Variants in HDDC2 observed in about 807,000 individuals in gnomAD.
HDDC2 encodes HD domain containing 2.
In HDDC2, 25 loss-of-function variants were observed where a neutral mutation model predicts 25.5. The ratio of observed to expected loss-of-function variants is 0.98; its 90% CI spans 0.72 to 1.37. The LOEUF is 1.37. HDDC2 is among the 40% of genes most tolerant of loss of function. The pLI, the probability that HDDC2 is intolerant of heterozygous loss-of-function variation, is 0.00. For missense variants in HDDC2, 264 were observed against 253.1 expected, an observed-to-expected ratio of 1.04 and a Z score of -0.29; for synonymous variants, 106 against 89.7, an observed-to-expected ratio of 1.18 and a Z score of -1.03.
chr6:125,283,352 A>T (rs1301398529), intron 4 of HDDC2, among the ~76,000 whole-genome samples: 1 of 152,236 alleles, frequency 6.6e-6, no homozygotes, highest in Non-Finnish European at 1.5e-5. Context: ...AGAGTATTCA[A>T]ATAGGAAGAG....
chr6:125,289,868 T>TC (rs2115110726), intron 4 of HDDC2, among the ~76,000 whole-genome samples: 1 of 152,348 alleles, frequency 6.6e-6, no homozygotes, highest in African/African-American at 2.4e-5. Flanking sequence ...GCCTTGGGGC[T>TC]CAAAAGGACA....
At chr6:125,287,931 G>C (rs1255160147) in intron 4 of HDDC2, among the ~76,000 whole-genome samples, 1 of 152,204 alleles carries the variant, frequency 6.6e-6, no homozygotes, top group South Asian at 2.1e-4. Context: ...ACACCCACAC[G>C]AAGGCCGAAG....
chr6:125,292,999 C>T (rs1391820707), intron 3 of HDDC2, 90 bp from the exon 4 acceptor site: 1 of 1,007,426 alleles, frequency 9.9e-7, no homozygotes, highest in South Asian at 1.3e-5. Context: ...CGGATTCTTA[C>T]AAACAACTCT....
chr6:125,298,853 T>C, intron 2 of HDDC2, 37 bp from the exon 3 acceptor site: 1 of 1,395,572 alleles, frequency 7.2e-7, no homozygotes, highest in African/African-American at 1.4e-5. Context: ...TTACACAGAA[T>C]TATATTTACT....
At chr6:125,280,039 C>A (rs531873595) in intron 4 of HDDC2, among the ~76,000 whole-genome samples, 1 of 152,270 alleles carries the variant, frequency 6.6e-6, no homozygotes, top group East Asian at 1.9e-4. Context: ...ACTGGGGTAT[C>A]CGGTTCATCT....
chr6:125,293,247 AC>A (rs1407858010), intron 3 of HDDC2: 4 of 374,666 alleles, frequency 1.1e-5, no homozygotes, highest in Non-Finnish European at 2.0e-5. Flanking sequence ...ATCACAACAT[AC>A]CCACATACAT....
chr6:125,280,564 C>A (rs1419699957), intron 4 of HDDC2, among the ~76,000 whole-genome samples: 2 of 152,190 alleles, frequency 1.3e-5, no homozygotes, highest in Admixed American at 6.5e-5. Context: ...GAGGGGCGTC[C>A]GCCATTTCTG....
At chr6:125,297,819 A>C (rs1562449581) in intron 3 of HDDC2, among the ~76,000 whole-genome samples, 1 of 152,164 alleles carries the variant, frequency 6.6e-6, no homozygotes, top group Non-Finnish European at 1.5e-5. Context: ...TTCTGCTTCA[A>C]ACATATCTTC....
chr6:125,275,829 C>G lies in HDDC2; in HGVS notation c.*317G>C, dbSNP rs1451503804. The G allele has an allele frequency of 7.6e-6, 2 of 263,874 alleles. No individual in the cohort carries two copies. Among genetic ancestry groups the G allele is most frequent in the African/African-American group, 2.2e-5 (1 of 45,186 alleles). 16.3% of individuals were successfully genotyped at this position (263,874 alleles called of 1,614,324 possible). ...CAATGAACCTAGCCTTCGGGGATAT[C>G]GGTAATTAAGTCAGAATAAGATGAT... On this transcript the variant is annotated 3_prime_UTR_variant, in exon 6 of 6. Transcript: ENST00000398153.
At chr6:125,294,600 T>A (rs547179214) in intron 3 of HDDC2, among the ~76,000 whole-genome samples, 36 of 152,334 alleles carry the variant, frequency 2.4e-4, no homozygotes, top group African/African-American at 7.9e-4. Context: ...TACTTCCAGT[T>A]GAAAAGAATG....
At chr6:125,276,341 T>C in intron 5 of HDDC2, 98 bp from the exon 6 acceptor site, 3 of 860,528 alleles carry the variant, frequency 3.5e-6, no homozygotes. Context: ...GGGGCTCTAG[T>C]CTACGATCTG....
At chr6:125,300,748 A>G in intron 1 of HDDC2, 89 bp from the exon 2 acceptor site, 1 of 1,295,946 alleles carries the variant, frequency 7.7e-7, no homozygotes, top group South Asian at 1.5e-5. Flanking sequence ...GATATAACAC[A>G]CAGAAGCCGG....
chr6:125,289,306 G>A (rs1394352461), intron 4 of HDDC2, among the ~76,000 whole-genome samples: 1 of 118,268 alleles, frequency 8.5e-6, no homozygotes, highest in African/African-American at 3.6e-5. Context: ...ACAGGAAGGG[G>A]AATATCACAC....
Position 125,277,229 on chromosome 6 carries a change from G to C in HDDC2, c.390C>G (p.Thr130=). The change falls in exon 5 of 6, where the codon ACC becomes ACG. Residue 130 remains threonine, a synonymous_variant. Transcript: ENST00000398153. ...CAAATTTGGCTTCTGCACTAGATTG[G>C]GTCTCGTACTCCTAAGTAAAGGGAC... ...ELYELWEEYE[T]QSSAEAKFVK... is the part of the protein sequence containing the mutation. The C allele has an allele frequency of 6.2e-7, 1 of 1,613,942 alleles. No individual in the cohort carries two copies. The highest frequency in any genetic ancestry group is 8.5e-7 in the Non-Finnish European group (1 of 1,179,942).
At chr6:125,280,808 T>G (rs1798447180) in intron 4 of HDDC2, among the ~76,000 whole-genome samples, 2 of 152,184 alleles carry the variant, frequency 1.3e-5, no homozygotes, top group African/African-American at 4.8e-5. Flanking sequence ...ACTTAAATGT[T>G]CCTGCCTGCC....
In HDDC2 at chr6:125,276,077, G is replaced by T; in HGVS notation, c.*69C>A. The T allele has an allele frequency of 2.6e-6, 3 of 1,174,868 alleles. No individual in the cohort carries two copies. Among genetic ancestry groups the T allele is most frequent in the Non-Finnish European group, 3.8e-6 (3 of 783,612 alleles). 72.8% of individuals were successfully genotyped at this position (1,174,868 alleles called of 1,614,324 possible). A position where few individuals can be genotyped will look rare whatever the true frequency, so the allele number is the denominator to read the frequency against. On this transcript the variant is annotated 3_prime_UTR_variant, in exon 6 of 6. Coordinates refer to ENST00000398153, the MANE Select transcript of HDDC2 (RefSeq NM_016063.3). ...CTAGGGAAATCAACAGACCAACAAT[G>T]GCAAAACACAATACAATGAAATGGA...
chr6:125,299,776 G>C (rs1798767405), intron 2 of HDDC2, among the ~76,000 whole-genome samples: 1 of 152,236 alleles, frequency 6.6e-6, no homozygotes, highest in African/African-American at 2.4e-5. Flanking sequence ...CTTTGCTGCA[G>C]TCAAGTTGAT....
chr6:125,291,081 G>A (rs1457958344), intron 4 of HDDC2, among the ~76,000 whole-genome samples: 1 of 152,154 alleles, frequency 6.6e-6, no homozygotes, highest in Non-Finnish European at 1.5e-5. Flanking sequence ...CCCCTTAGGC[G>A]ACAATACATG....
At chr6:125,287,286 T>C (rs1360856668) in intron 4 of HDDC2, among the ~76,000 whole-genome samples, 1 of 152,122 alleles carries the variant, frequency 6.6e-6, no homozygotes, top group African/African-American at 2.4e-5. Flanking sequence ...TTAAAGACAT[T>C]CTAGTGATGT....
Sources: allele counts gnomAD v4.1 joint callset (sites outside exome capture counted in the v4.1 genomes callset), GRCh38; gene constraint gnomAD v4.1.1; transcripts MANE v1.5; gene names NCBI Gene and HGNC (gene_info 2026-07-23, HGNC 2026-07-21).